The following REDIC1 variants were observed in gnomAD, a reference collection of about 807,000 sequenced individuals.
The protein encoded by REDIC1 is HEI10 Interacting Protein 1.
chr12:39,634,740 C>T, the REDIC1 span, among the ~76,000 whole-genome samples: 1 of 152,066 alleles, frequency 6.6e-6, no homozygotes, highest in Non-Finnish European at 1.5e-5. Flanking sequence ...GACTTCATGA[C>T]TAAAACACCA....
chr12:39,663,433 A>G, the REDIC1 span, among the ~76,000 whole-genome samples: 3 of 152,020 alleles, frequency 2.0e-5, no homozygotes, highest in Admixed American at 1.3e-4. Flanking sequence ...TGTGTGGAAT[A>G]TCTTTTTACA....
chr12:39,894,375 CAAT>C, the REDIC1 span, among the ~76,000 whole-genome samples: 1 of 152,096 alleles, frequency 6.6e-6, no homozygotes, highest in Admixed American at 6.6e-5. Context: ...AATATCACAA[CAAT>C]ATTTTTCTTA....
the REDIC1 span, among the ~76,000 whole-genome samples, chr12:39,729,245 G>C: frequency 6.6e-6 from 1 of 152,164 alleles, no homozygotes; most frequent in South Asian, 2.1e-4. Context: ...TTTTAATTGG[G>C]ATGTTAAGGT....
At chr12:39,802,066 A>T in the REDIC1 span, among the ~76,000 whole-genome samples, 1 of 152,214 alleles carries the variant, frequency 6.6e-6, no homozygotes, top group South Asian at 2.1e-4. Flanking sequence ...GATATAATAG[A>T]GAAGCACTAA....
chr12:39,736,998 A>G, the REDIC1 span: 1 of 152,216 alleles, frequency 6.6e-6, no homozygotes, highest in Admixed American at 6.5e-5. Flanking sequence ...GTGGTTGGCT[A>G]CACAGCATTA....
At chr12:39,765,862 T>C in the REDIC1 span, among the ~76,000 whole-genome samples, 2 of 152,066 alleles carry the variant, frequency 1.3e-5, no homozygotes, top group Non-Finnish European at 2.9e-5. Context: ...ATTAGCTATT[T>C]ATCCTGATGC....
the REDIC1 span, among the ~76,000 whole-genome samples, chr12:39,731,232 G>A: frequency 6.6e-6 from 1 of 152,132 alleles, no homozygotes. Flanking sequence ...GGGAGAAGAG[G>A]TGTTCTGGTT....
the REDIC1 span, among the ~76,000 whole-genome samples, chr12:39,853,058 C>T: frequency 6.6e-6 from 1 of 152,104 alleles, no homozygotes; most frequent in Non-Finnish European, 1.5e-5. Context: ...TTGTTTCATT[C>T]CTTCATTGCT....
the REDIC1 span, among the ~76,000 whole-genome samples, chr12:39,896,468 A>C: frequency 7.6e-5 from 11 of 144,350 alleles, no homozygotes; most frequent in Admixed American, 4.3e-4. Context: ...ATATGTATAC[A>C]TATATGTATA....
the REDIC1 span, among the ~76,000 whole-genome samples, chr12:39,806,848 G>A: frequency 1.3e-5 from 2 of 152,122 alleles, no homozygotes; most frequent in African/African-American, 4.8e-5. Flanking sequence ...AGGGTTAATT[G>A]TTAAGAAAAC....
At chr12:39,881,424 A>C in the REDIC1 span, among the ~76,000 whole-genome samples, 1 of 152,092 alleles carries the variant, frequency 6.6e-6, no homozygotes, top group Non-Finnish European at 1.5e-5. Flanking sequence ...TCATTTCCTC[A>C]CGACTGTCTT....
At chr12:39,711,969 A>G in the REDIC1 span, among the ~76,000 whole-genome samples, 1 of 129,574 alleles carries the variant, frequency 7.7e-6, no homozygotes, top group Non-Finnish European at 1.7e-5. Context: ...ATATCTATGT[A>G]TATATACATG....
At chr12:39,807,899 C>T in the REDIC1 span, among the ~76,000 whole-genome samples, 2 of 151,294 alleles carry the variant, frequency 1.3e-5, no homozygotes, top group Admixed American at 1.3e-4. Flanking sequence ...AATTAGTCTG[C>T]CCTTTGAAAA....
At chr12:39,631,674 A>G in the REDIC1 span, among the ~76,000 whole-genome samples, 1 of 152,210 alleles carries the variant, frequency 6.6e-6, no homozygotes, top group South Asian at 2.1e-4. Context: ...AGTATCTTCC[A>G]TTTGGAAAAA....
the REDIC1 span, among the ~76,000 whole-genome samples, chr12:39,768,170 CT>C: frequency 6.6e-6 from 1 of 152,088 alleles, no homozygotes; most frequent in African/African-American, 2.4e-5. Context: ...TAGCCTCAAA[CT>C]TTTCTTCTAC....
the REDIC1 span, among the ~76,000 whole-genome samples, chr12:39,881,013 GTGATT>G: frequency 6.6e-6 from 1 of 152,180 alleles, no homozygotes; most frequent in African/African-American, 2.4e-5. Context: ...CAGGTTACAT[GTGATT>G]GTTCCCAAAC....
At chr12:39,830,559 T>A in the REDIC1 span, 2 of 905,092 alleles carry the variant, frequency 2.2e-6, no homozygotes, top group Non-Finnish European at 2.7e-6. Flanking sequence ...GTTACCAAAC[T>A]GTAGACTGCC....
At chr12:39,648,011 A>T in the REDIC1 span, 1 of 1,311,802 alleles carries the variant, frequency 7.6e-7, no homozygotes, top group African/African-American at 1.5e-5. Flanking sequence ...AGCATTTTAT[A>T]TAATTATATT....
chr12:39,807,831 AC>A, the REDIC1 span, among the ~76,000 whole-genome samples: 1 of 152,134 alleles, frequency 6.6e-6, no homozygotes, highest in Non-Finnish European at 1.5e-5. Flanking sequence ...TAATAATCGT[AC>A]CAGGAGAATC....
Sources: gnomAD v4.1 joint callset for allele counts (sites outside exome capture counted in the v4.1 genomes callset) on GRCh38, gnomAD v4.1.1 for gene constraint, MANE v1.5 for transcripts, NCBI Gene and HGNC (gene_info 2026-07-23, HGNC 2026-07-21) for gene names.